Variants in NRXN3 observed in about 807,000 individuals in gnomAD.
NRXN3 encodes neurexin III.
A neutral mutation model predicts 137.6 loss-of-function variants in NRXN3; 32 were observed. The observed-to-expected ratio is 0.23, with a 90% CI of 0.18 to 0.31. The LOEUF is 0.31. Among genes scored for constraint, NRXN3 ranks in the 10% least tolerant of loss-of-function variants. NRXN3 has a pLI of 1.00. For synonymous variants in NRXN3, 798 were observed against 784.5 expected, an observed-to-expected ratio of 1.02 and a Z score of -0.29; for missense variants, 1,574 against 2,062.5, an observed-to-expected ratio of 0.76 and a Z score of 4.59.
chr14:78,995,574 TA>T, intron 15 of NRXN3, among the ~76,000 whole-genome samples: 1 of 152,284 alleles, frequency 6.6e-6, no homozygotes, highest in South Asian at 2.1e-4. Context: ...TGAATAATAA[TA>T]AATTGAATGT....
At chr14:78,507,923 G>A (rs1289805201) in intron 4 of NRXN3, among the ~76,000 whole-genome samples, 1 of 152,160 alleles carries the variant, frequency 6.6e-6, no homozygotes, top group East Asian at 1.9e-4. Flanking sequence ...GATTGGGTTT[G>A]TATCTATATA....
intron 15 of NRXN3, among the ~76,000 whole-genome samples, chr14:79,221,112 C>T (rs943480032): frequency 6.6e-6 from 1 of 152,094 alleles, no homozygotes; most frequent in African/African-American, 2.4e-5. Flanking sequence ...CATTGTATTC[C>T]ATGGTGTATA....
intron 5 of NRXN3, 58 bp from the exon 6 acceptor site, chr14:78,651,107 A>G: frequency 6.6e-7 from 1 of 1,520,502 alleles, no homozygotes; most frequent in Non-Finnish European, 9.1e-7. Flanking sequence ...CCACTGGGTT[A>G]TGATAGGATC....
At chr14:78,591,515 A>T (rs1398898396) in intron 4 of NRXN3, among the ~76,000 whole-genome samples, 2 of 152,138 alleles carry the variant, frequency 1.3e-5, no homozygotes, top group Non-Finnish European at 2.9e-5. Flanking sequence ...CTGACACTCT[A>T]AGACTCACAA....
At chr14:78,764,219 T>C (rs1432831781) in intron 8 of NRXN3, among the ~76,000 whole-genome samples, 2 of 152,198 alleles carry the variant, frequency 1.3e-5, no homozygotes, top group African/African-American at 4.8e-5. Context: ...AAGCCAAACA[T>C]CAACTTCCAA....
At chr14:79,308,671 T>C (rs1036930734) in intron 15 of NRXN3, among the ~76,000 whole-genome samples, 2 of 152,064 alleles carry the variant, frequency 1.3e-5, no homozygotes, top group South Asian at 2.1e-4. Flanking sequence ...TCTTGTGGAA[T>C]GGTCTGAGAA....
intron 4 of NRXN3, among the ~76,000 whole-genome samples, chr14:78,553,620 G>A (rs1198990780): frequency 6.6e-6 from 1 of 152,228 alleles, no homozygotes; most frequent in Admixed American, 6.5e-5. Context: ...TCTTTGAGGA[G>A]GAGGAATACT....
chr14:79,512,573 C>T (rs138149934), intron 16 of NRXN3, among the ~76,000 whole-genome samples: 5 of 152,276 alleles, frequency 3.3e-5, no homozygotes, highest in African/African-American at 1.2e-4. Context: ...ATGGTTCTTA[C>T]GATGTACATT....
chr14:79,106,493 A>T lies in NRXN3; in HGVS notation c.3262+118352A>T, dbSNP rs554912251. Among the ~76,000 whole-genome samples the T allele has an allele frequency of 1.3e-4, 20 of 152,236 alleles. No homozygotes were observed. In the South Asian group the frequency reaches 3.7e-3, roughly 28 times the overall value. On this transcript the variant is annotated intron_variant, in intron 15 of 20. Transcript: ENST00000335750. ...TTTCTAAGAATAAAAAAGAAAAAAA[A>T]GTTAAGTGCATTAAAAAAAGAGCAA...
chr14:78,943,871 C>T (rs893166646), intron 10 of NRXN3, among the ~76,000 whole-genome samples: 1 of 151,212 alleles, frequency 6.6e-6, no homozygotes, highest in Non-Finnish European at 1.5e-5. Flanking sequence ...ACCTGGTTTT[C>T]AAGGTGCCTC....
chr14:78,831,522 G>A (rs1199984020), intron 10 of NRXN3, among the ~76,000 whole-genome samples: 1 of 128,258 alleles, frequency 7.8e-6, no homozygotes, highest in Non-Finnish European at 1.6e-5. Context: ...GTGACAGAGG[G>A]AGACTCCATG....
At chr14:78,483,175 C>A (rs962600473) in intron 4 of NRXN3, among the ~76,000 whole-genome samples, 1 of 152,124 alleles carries the variant, frequency 6.6e-6, no homozygotes, top group Admixed American at 6.5e-5. Context: ...TTGGCTTAAG[C>A]AAAACAGAAC....
In NRXN3 at chr14:78,557,717, A is replaced by T. The variant is rs1181962186; in HGVS notation, c.758-87403A>T. Among the ~76,000 whole-genome samples, 7 of 152,176 alleles carry T rather than the reference A, an allele frequency of 4.6e-5. No homozygotes were observed. The East Asian group carries it at 1.2e-3, about 25-fold the overall frequency. ...TGTGTGAGTACAAGGCCCAACTTCT[A>T]ACTGTTAATAAGAGACAACTTTGCC... On this transcript the variant is annotated intron_variant, in intron 4 of 20. Transcript: ENST00000335750.
At chr14:78,509,527 G>T (rs779408749) in intron 4 of NRXN3, among the ~76,000 whole-genome samples, 3 of 152,048 alleles carry the variant, frequency 2.0e-5, no homozygotes, top group Non-Finnish European at 4.4e-5. Context: ...CTGCGATTTG[G>T]CCCTTCACCG....
chr14:78,731,016 C>T (rs559536282), intron 8 of NRXN3, among the ~76,000 whole-genome samples: 3 of 152,260 alleles, frequency 2.0e-5, no homozygotes, highest in African/African-American at 7.2e-5. Flanking sequence ...AGATATCTCA[C>T]TTTCTCACCT....
intron 16 of NRXN3, among the ~76,000 whole-genome samples, chr14:79,501,879 G>C (rs146064176): frequency 6.6e-6 from 1 of 152,054 alleles, no homozygotes; most frequent in African/African-American, 2.4e-5. Flanking sequence ...GCTTCCCCTA[G>C]TTATATTTTT....
At chr14:79,493,795 A>C (rs2096740138) in intron 16 of NRXN3, among the ~76,000 whole-genome samples, 1 of 152,210 alleles carries the variant, frequency 6.6e-6, no homozygotes, top group Non-Finnish European at 1.5e-5. Flanking sequence ...ATCATTACTC[A>C]GGTTAATATT....
chr14:79,080,050 A>G (rs2046669557), intron 15 of NRXN3, among the ~76,000 whole-genome samples: 1 of 152,178 alleles, frequency 6.6e-6, no homozygotes, highest in Non-Finnish European at 1.5e-5. Context: ...TATTAAGAGT[A>G]TTATGCCATT....
At chr14:79,839,999 A>G (rs1603618619) in intron 20 of NRXN3, among the ~76,000 whole-genome samples, 1 of 149,058 alleles carries the variant, frequency 6.7e-6, no homozygotes, top group East Asian at 2.1e-4. Context: ...ATGTATTTAA[A>G]CGAATGCTTG....
Sources: gnomAD v4.1 joint callset for allele counts (sites outside exome capture counted in the v4.1 genomes callset) on GRCh38, gnomAD v4.1.1 for gene constraint, MANE v1.5 for transcripts, NCBI Gene and HGNC (gene_info 2026-07-23, HGNC 2026-07-21) for gene names.